The following SETBP1 variants were observed in gnomAD, a reference collection of about 807,000 sequenced individuals.
The protein encoded by SETBP1 is SET-binding protein.
In SETBP1, 9 loss-of-function variants were observed where a neutral mutation model predicts 101.0. The ratio of observed to expected loss-of-function variants is 0.09; its 90% confidence interval spans 0.05 to 0.16. The LOEUF (loss-of-function observed/expected upper bound fraction) is 0.16, where lower values mean the gene tolerates loss of function less well. Among genes scored for constraint, SETBP1 ranks in the 10% least tolerant of loss-of-function variants. The pLI, the probability that SETBP1 is intolerant of heterozygous loss-of-function variation, is 1.00. For synonymous variants in SETBP1, 818 were observed against 788.5 expected, an observed-to-expected ratio of 1.04 and a Z score of -0.63; for missense variants, 1,858 against 2,033.8, an observed-to-expected ratio of 0.91 and a Z score of 1.66.
upstream of SETBP1, chr18:44,680,083 G>A (rs2144065741): frequency 7.1e-6 from 1 of 141,802 alleles, no homozygotes; most frequent in East Asian, 2.1e-4. Context: ...GATTACTCCA[G>A]GACTCCTCGG....
At chr18:44,816,698 C>T (rs752473537) in intron 2 of SETBP1, among the ~76,000 whole-genome samples, 14 of 152,274 alleles carry the variant, frequency 9.2e-5, no homozygotes, top group African/African-American at 1.9e-4. Context: ...CTGTGTTCAA[C>T]GAAATAGAAC....
chr18:44,785,074 C>A (rs2071211498), intron 2 of SETBP1, among the ~76,000 whole-genome samples: 1 of 152,134 alleles, frequency 6.6e-6, no homozygotes, highest in Admixed American at 6.5e-5. Context: ...TTGTTTAATT[C>A]ATTTTTAAAG....
At chr18:44,800,189 A>G (rs1370069116) in intron 2 of SETBP1, among the ~76,000 whole-genome samples, 1 of 151,986 alleles carries the variant, frequency 6.6e-6, no homozygotes, top group Non-Finnish European at 1.5e-5. Context: ...ATGCTAGGAG[A>G]CCTCAAGGCT....
chr18:45,037,653 A>T (rs748121040), intron 4 of SETBP1, among the ~76,000 whole-genome samples: 4 of 152,196 alleles, frequency 2.6e-5, no homozygotes, highest in Admixed American at 6.5e-5. Context: ...ATGGGAATGC[A>T]GAATAGCTCT....
At chr18:44,896,356 C>T (rs927724429) in intron 3 of SETBP1, among the ~76,000 whole-genome samples, 8 of 152,148 alleles carry the variant, frequency 5.3e-5, no homozygotes, top group South Asian at 4.1e-4. Flanking sequence ...TTATATTTTG[C>T]GGAAATCTAT....
chr18:44,836,275 G>T (rs62090604), intron 2 of SETBP1, among the ~76,000 whole-genome samples: 16,970 of 152,070 alleles, frequency 0.11, 1,205 homozygotes, highest in African/African-American at 0.19. Flanking sequence ...TATTTTCTTT[G>T]CTTAACCTGC....
chr18:44,990,422 T>C (rs144742670), intron 4 of SETBP1, among the ~76,000 whole-genome samples: 276 of 152,168 alleles, frequency 1.8e-3, no homozygotes, highest in African/African-American at 6.3e-3. Context: ...AATCAGACCC[T>C]GTCTTTACAA....
rs1482162132 is a variant in SETBP1 at position 45,065,918 on chromosome 18, A to G, written c.*2220A>G. 6.6e-6 allele frequency: 1 copy of G among 152,188 alleles called. No homozygotes were observed. The highest frequency in any genetic ancestry group is 1.5e-5 in the Non-Finnish European group (1 of 68,028). The allele number at this position is 152,188 out of a possible 1,614,324, so 9.4% of individuals were successfully genotyped here. A position where few individuals can be genotyped will look rare whatever the true frequency, so the allele number is the denominator to read the frequency against. ...TTAAATTAGTCCCTCTCACCCCACC[A>G]TTGCTATAAAACAGCAACGTTTTCA... On this transcript the variant is annotated 3_prime_UTR_variant, in exon 6 of 6. Transcript: ENST00000649279.
chr18:44,839,299 G>T (rs2072564932), intron 2 of SETBP1, among the ~76,000 whole-genome samples: 1 of 152,184 alleles, frequency 6.6e-6, no homozygotes, highest in Non-Finnish European at 1.5e-5. Context: ...TGCCAAAATA[G>T]AAAGTCTAAT....
chr18:44,893,599 G>C (rs80020658), intron 3 of SETBP1, among the ~76,000 whole-genome samples: 86 of 152,202 alleles, frequency 5.7e-4, no homozygotes, highest in African/African-American at 2.1e-3. Context: ...GTGGTAACAA[G>C]TCTTTCATTT....
chr18:44,978,930 T>C (rs1392832793), intron 4 of SETBP1, among the ~76,000 whole-genome samples: 2 of 152,238 alleles, frequency 1.3e-5, no homozygotes, highest in Admixed American at 6.5e-5. Flanking sequence ...GATGAGGATA[T>C]TGAGCCTCAA....
intron 2 of SETBP1, among the ~76,000 whole-genome samples, chr18:44,758,541 C>A (rs1266954167): frequency 6.6e-6 from 1 of 152,062 alleles, no homozygotes; most frequent in Non-Finnish European, 1.5e-5. Context: ...TGCCACCACG[C>A]CCGGCTAATT....
At chr18:44,744,068 C>G (rs2070162229) in intron 2 of SETBP1, among the ~76,000 whole-genome samples, 1 of 152,204 alleles carries the variant, frequency 6.6e-6, no homozygotes, top group African/African-American at 2.4e-5. Context: ...CGAAATACTG[C>G]CTGCTACACC....
chr18:44,771,069 A>G (rs1336625054), intron 2 of SETBP1, among the ~76,000 whole-genome samples: 2 of 151,570 alleles, frequency 1.3e-5, no homozygotes, highest in African/African-American at 2.4e-5. Context: ...AGCCTATGTC[A>G]CTCATTTTCA....
At chr18:44,966,591 C>A (rs1441339163) in intron 4 of SETBP1, among the ~76,000 whole-genome samples, 1 of 152,156 alleles carries the variant, frequency 6.6e-6, no homozygotes, top group Non-Finnish European at 1.5e-5. Context: ...CATGTCATAC[C>A]CTTTTCATAG....
intron 4 of SETBP1, among the ~76,000 whole-genome samples, chr18:45,037,831 C>T (rs2073428222): frequency 6.6e-6 from 1 of 152,160 alleles, no homozygotes; most frequent in South Asian, 2.1e-4. Context: ...CACTAATCCC[C>T]ACAGTTCATC....
chr18:44,818,603 T>C (rs1028779499), intron 2 of SETBP1, among the ~76,000 whole-genome samples: 1 of 152,134 alleles, frequency 6.6e-6, no homozygotes, highest in Non-Finnish European at 1.5e-5. Flanking sequence ...TTTAAAAAGA[T>C]TGAAATCATG....
chr18:44,968,421 T>C (rs1209944851), intron 4 of SETBP1, among the ~76,000 whole-genome samples: 4 of 152,178 alleles, frequency 2.6e-5, no homozygotes, highest in Non-Finnish European at 4.4e-5. Context: ...GGAAGCTGGA[T>C]AGTGGGCATG....
At chr18:45,002,938 G>A (rs2072647156) in intron 4 of SETBP1, among the ~76,000 whole-genome samples, 1 of 152,178 alleles carries the variant, frequency 6.6e-6, no homozygotes, top group Non-Finnish European at 1.5e-5. Context: ...AACTTGGGTT[G>A]TTGGGGTGGA....
Sources: gnomAD v4.1 joint callset for allele counts (sites outside exome capture counted in the v4.1 genomes callset) on GRCh38, gnomAD v4.1.1 for gene constraint, MANE v1.5 for transcripts, NCBI Gene and HGNC (gene_info 2026-07-23, HGNC 2026-07-21) for gene names.